The following TTC3 variants were observed in gnomAD, a reference collection of about 807,000 sequenced individuals.
The protein encoded by TTC3 is tetratricopeptide repeat domain 3, also known as E3 ubiquitin-protein ligase TTC3.
In TTC3, 180 loss-of-function variants were observed where a neutral mutation model predicts 249.6. The ratio of observed to expected loss-of-function variants is 0.72; its 90% CI spans 0.64 to 0.82. TTC3 has a LOEUF of 0.82. Among genes scored for constraint, TTC3 ranks in the 40% least tolerant of loss-of-function variants. TTC3 has a pLI of 0.00. For missense variants in TTC3, 2,061 were observed against 2,398.4 expected (o/e 0.86, Z 2.94); for synonymous variants, 717 against 805.0 (o/e 0.89, Z 1.85).
rs2072811730 is a variant in TTC3 at position 37,088,477 on chromosome 21, G to GA, written c.338+137dup. The GA allele has an allele frequency of 6.9e-6, 8 of 1,152,898 alleles. No individual in the cohort carries two copies. The South Asian group carries it at 1.0e-4, about 15-fold the overall frequency. 71.4% of individuals were successfully genotyped at this position (1,152,898 alleles called of 1,614,324 possible). ...TGCTCAACGTTTGTGTAATAGGGTGGAAAAAACAAATACTTGAGATTTGGA... is the reference window on the plus strand; with the variant it reads ...TGCTCAACGTTTGTGTAATAGGGTGGAAAAAAACAAATACTTGAGATTTGGA... On this transcript the variant is annotated intron_variant, in intron 4 of 45. Coordinates refer to ENST00000355666, the Ensembl canonical transcript of TTC3.
chr21:37,128,485 T>G (rs2077210661), intron 15 of TTC3, among the ~76,000 whole-genome samples: 1 of 152,196 alleles, frequency 6.6e-6, no homozygotes, highest in Non-Finnish European at 1.5e-5. Flanking sequence ...TACTCTTGAG[T>G]TCAGGCCATT....
intron 7 of TTC3, among the ~76,000 whole-genome samples, chr21:37,092,367 G>C (rs1049209694): frequency 3.3e-5 from 5 of 152,170 alleles, no homozygotes; most frequent in African/African-American, 1.2e-4. Flanking sequence ...CACTGATAGA[G>C]GTTGTTCTCT....
chr21:37,122,578 A>G (rs1405436061), intron 12 of TTC3, among the ~76,000 whole-genome samples: 1 of 151,508 alleles, frequency 6.6e-6, no homozygotes, highest in East Asian at 1.9e-4. Context: ...CTTAGTCTAC[A>G]TTTTTAGTGT....
intron 11 of TTC3, among the ~76,000 whole-genome samples, chr21:37,120,354 G>A (rs1044134145): frequency 1.3e-5 from 2 of 152,198 alleles, no homozygotes; most frequent in Non-Finnish European, 2.9e-5. Context: ...GTTACATTAT[G>A]TTTTATAGGG....
At chr21:37,195,566 C>A in intron 41 of TTC3, 109 bp from the exon 42 acceptor site, 1 of 1,439,668 alleles carries the variant, frequency 6.9e-7, no homozygotes, top group Non-Finnish European at 9.4e-7. Flanking sequence ...TTCCTGTGCA[C>A]GGAGCCTCTG....
Position 37,087,665 on chromosome 21 carries a change from G to C in TTC3, c.145-168G>C, listed in dbSNP as rs80278635. Among the ~76,000 whole-genome samples the C allele has an allele frequency of 7.0e-3, 1,064 of 152,218 alleles. 13 individuals are homozygous for C. The highest frequency in any genetic ancestry group is 0.024 in the African/African-American group (994 of 41,518). On this transcript the variant is annotated intron_variant, in intron 2 of 45. Transcript: ENST00000355666. Reference sequence around the variant, plus strand: ...GGGGAGAGCCATAGAAGCAAACTCAGGTAATACTGTAAAACGGGTCTCAAA... The same window carrying C: ...GGGGAGAGCCATAGAAGCAAACTCACGTAATACTGTAAAACGGGTCTCAAA...
In TTC3 at chr21:37,192,226, CAT is replaced by C; in HGVS notation, c.5217+14_5217+15del. The C allele has an allele frequency of 6.8e-7, 1 of 1,474,136 alleles. No individual in the cohort carries two copies. Among genetic ancestry groups the C allele is most frequent in the Non-Finnish European group, 9.2e-7 (1 of 1,083,068 alleles). 91.3% of individuals were successfully genotyped at this position (1,474,136 alleles called of 1,614,324 possible). ...TGCCTGTAACACGGTAAGTCTAGCACATCTTTTTTTTTTTTTTAAACCATAAT... is the reference window on the plus strand; with the variant it reads ...TGCCTGTAACACGGTAAGTCTAGCACCTTTTTTTTTTTTTTAAACCATAAT... On this transcript the variant is annotated intron_variant, in intron 41 of 45. Transcript: ENST00000355666.
exon 33 of TTC3, chr21:37,166,193 G>A: frequency 6.2e-7 from 1 of 1,614,148 alleles, no homozygotes; most frequent in African/African-American, 1.3e-5. Flanking sequence ...CCAGAGATTT[G>A]ATATCACCCA....
chr21:37,155,094 A>C (rs2079896633), intron 27 of TTC3, among the ~76,000 whole-genome samples: 1 of 152,234 alleles, frequency 6.6e-6, no homozygotes, highest in African/African-American at 2.4e-5. Flanking sequence ...TTGTGAAATG[A>C]GTTCAAGCAT....
chr21:37,166,349 A>T lies in TTC3; in HGVS notation c.4135A>T (p.Lys1379Ter), dbSNP rs1204698715. The change falls in exon 33 of 46, where the codon AAA (lysine) becomes TAA (stop). Residue 1379 changes from lysine to a stop codon, truncating the protein, a stop_gained. Transcript: ENST00000355666. LOFTEE classifies it high-confidence loss of function. ...TTTTGTAGCCAATGACAGAGCAGAT[A>T]AAAATGCTGCTGCCTATTTTGAGGG... is the stretch of plus-strand genomic sequence containing the variant. 1 of 1,614,222 alleles carries T rather than the reference A, an allele frequency of 6.2e-7. No individual in the cohort carries two copies. The highest frequency in any genetic ancestry group is 8.5e-7 in the Non-Finnish European group (1 of 1,180,036).
At chr21:37,082,958 G>A in intron 1 of TTC3, 6 of 984,262 alleles carry the variant, frequency 6.1e-6, no homozygotes, top group Non-Finnish European at 7.2e-6. Flanking sequence ...CTAAAGAAAA[G>A]TATTAAGTAA....
intron 11 of TTC3, among the ~76,000 whole-genome samples, chr21:37,117,300 G>A (rs1568964512): frequency 6.6e-6 from 1 of 152,108 alleles, no homozygotes; most frequent in Non-Finnish European, 1.5e-5. Flanking sequence ...TGAAGCAATT[G>A]AGTCCCAGAG....
At chr21:37,179,097 C>T (rs1255694466) in intron 35 of TTC3, among the ~76,000 whole-genome samples, 1 of 152,110 alleles carries the variant, frequency 6.6e-6, no homozygotes, top group East Asian at 1.9e-4. Flanking sequence ...TGTGATGAGA[C>T]CCTCACTCGC....
At chr21:37,117,175 A>G (rs1427996708) in intron 11 of TTC3, among the ~76,000 whole-genome samples, 2 of 152,194 alleles carry the variant, frequency 1.3e-5, no homozygotes, top group Non-Finnish European at 2.9e-5. Context: ...TTTCCCCCAA[A>G]TTGTGATTCA....
chr21:37,073,425 C>T, intron 1 of TTC3: 1 of 986,584 alleles, frequency 1.0e-6, no homozygotes, highest in Non-Finnish European at 1.2e-6. Context: ...CCGCTGCAGC[C>T]GAGATGCCGG....
At chr21:37,083,930 TAATA>T (rs1275525623) in intron 1 of TTC3, 1 of 152,210 alleles carries the variant, frequency 6.6e-6, no homozygotes, top group Admixed American at 6.5e-5. Context: ...GAAAAAATTT[TAATA>T]GATAGGAATT....
At chr21:37,140,285 C>T (rs2078322924) in intron 19 of TTC3, among the ~76,000 whole-genome samples, 1 of 152,122 alleles carries the variant, frequency 6.6e-6, no homozygotes, top group African/African-American at 2.4e-5. Flanking sequence ...TATTAGCCAG[C>T]ACACGCCAGG....
intron 18 of TTC3, among the ~76,000 whole-genome samples, chr21:37,137,970 G>A (rs375240737): frequency 9.2e-5 from 14 of 152,236 alleles, no homozygotes; most frequent in East Asian, 7.7e-4. Context: ...ACTGTGGCAC[G>A]TGTTATACCT....
chr21:37,084,501 T>C (rs1049088073), intron 1 of TTC3, among the ~76,000 whole-genome samples: 10 of 152,226 alleles, frequency 6.6e-5, no homozygotes, highest in Non-Finnish European at 1.2e-4. Flanking sequence ...GCTCTTTACA[T>C]GTATTAACAG....
Sources: allele counts gnomAD v4.1 joint callset (sites outside exome capture counted in the v4.1 genomes callset), GRCh38; gene constraint gnomAD v4.1.1; transcripts MANE v1.5; gene names NCBI Gene and HGNC (gene_info 2026-07-23, HGNC 2026-07-21).